TPO: variants seen among roughly 807,000 people sequenced by gnomAD.
The protein encoded by TPO is thyroid microsomal antigen.
In TPO, 78 loss-of-function variants were observed where a neutral mutation model predicts 96.9. The ratio of observed to expected loss-of-function variants is 0.81; its 90% CI spans 0.67 to 0.97. The LOEUF is 0.97. Among genes scored for constraint, TPO ranks in the 50% least tolerant of loss-of-function variants. The pLI, the probability that TPO is intolerant of heterozygous loss-of-function variation, is 0.00. For synonymous variants in TPO, 547 were observed against 538.0 expected (o/e 1.02, Z -0.23); for missense variants, 1,252 against 1,274.8 (o/e 0.98, Z 0.27).
intron 3 of TPO, among the ~76,000 whole-genome samples, chr2:1,432,838 C>T (rs981718336): frequency 1.3e-5 from 2 of 151,472 alleles, no homozygotes; most frequent in African/African-American, 4.9e-5. Context: ...GAGGAGAGGC[C>T]TGCAGGTGAG....
rs774085308 is a variant in TPO, at chr2:1,504,048, C to T, written c.2487C>T (p.Tyr829=). The stretch of plus-strand genomic sequence containing the variant: ...TCCAGTGTCTCTGCGCGGACCCCTA[C>T]GAGTTAGGAGACGATGGGAGAACCT... ...GGFQCLCADP[Y]ELGDDGRTCV... Residue 829 remains tyrosine, a synonymous_variant, in exon 14 of 17, where the codon TAC becomes TAT. Transcript: ENST00000329066. 25 of 1,614,086 alleles carry T rather than the reference C, an allele frequency of 1.5e-5. No individual in the cohort carries two copies. Among genetic ancestry groups the T allele is most frequent in the South Asian group, 1.5e-4 (14 of 91,088 alleles).
intron 15 of TPO, among the ~76,000 whole-genome samples, chr2:1,525,372 G>C (rs1676200255): frequency 2.6e-5 from 3 of 116,492 alleles, no homozygotes; most frequent in South Asian, 2.8e-4. Flanking sequence ...CCCACTGTGA[G>C]CAAAACCACA....
chr2:1,540,467 A>G (rs2125351616), intron 15 of TPO, 127 bp from the exon 16 acceptor site: 3 of 1,590,232 alleles, frequency 1.9e-6, no homozygotes, highest in Non-Finnish European at 2.6e-6. Context: ...TGTGAAATGA[A>G]AGTGGGTTGG....
At chr2:1,479,895 C>G (rs527985381) in intron 8 of TPO, among the ~76,000 whole-genome samples, 37 of 152,172 alleles carry the variant, frequency 2.4e-4, no homozygotes, top group African/African-American at 8.9e-4. Context: ...GATTCTCCTG[C>G]CTCAGCCTCT....
intron 1 of TPO, among the ~76,000 whole-genome samples, chr2:1,385,445 T>A (rs912936964): frequency 2.0e-5 from 3 of 152,206 alleles, no homozygotes; most frequent in Admixed American, 6.5e-5. Flanking sequence ...TGGGAGAATG[T>A]GTGTGTCGAG....
At chr2:1,528,177 A>C in intron 15 of TPO, among the ~76,000 whole-genome samples, 1 of 103,738 alleles carries the variant, frequency 9.6e-6, no homozygotes, top group African/African-American at 4.1e-5. Context: ...ACTGTGAGCA[A>C]ACCCCCACAT....
rs549499745 is a variant in TPO, at chr2:1,380,632, G to A, written n.180+6230G>A. Among the ~76,000 whole-genome samples, 6 of 152,254 alleles carry A rather than the reference G, an allele frequency of 3.9e-5. No individual in the cohort carries two copies. The South Asian group carries it at 1.0e-3, about 26-fold the overall frequency. On this transcript the variant is annotated intron_variant and non_coding_transcript_variant, in intron 1 of 5. Coordinates refer to the TPO transcript ENST00000497517. ...CAGCAATTTACCTAAAAACTGAAGT[G>A]ACACAATCACAGCCCCCAGCTGAGT...
rs1310733991 is a variant in TPO, at chr2:1,542,581, C to T, written c.*107C>T. 1.9e-6 allele frequency: 3 copies of T among 1,568,220 alleles called. No individual in the cohort carries two copies. The highest frequency in any genetic ancestry group is 3.8e-5 in the Admixed American group (2 of 52,484). ...GAAATCAGCAGGACGACTGTTTTCCCAACACGGGTAAATCTAGTACCATGT... is the reference window on the plus strand; with the variant it reads ...GAAATCAGCAGGACGACTGTTTTCCTAACACGGGTAAATCTAGTACCATGT... On this transcript the variant is annotated 3_prime_UTR_variant, in exon 17 of 17. Coordinates refer to ENST00000329066, the MANE Select transcript of TPO (RefSeq NM_001206744.2).
At position 1,542,636 on chromosome 2, in the gene TPO, A is replaced by ATGTT; in HGVS notation, c.*163_*166dup. On this transcript the variant is annotated 3_prime_UTR_variant, in exon 17 of 17. Transcript: ENST00000329066. ...GTTACTCTCAGGCATGGATGAATAA[A>ATGTT]TGTTATAGCTGCATTTGTCTGGCCT... 1.9e-6 allele frequency: 3 copies of ATGTT among 1,544,484 alleles called. No homozygotes were observed. The highest frequency in any genetic ancestry group is 2.6e-6 in the Non-Finnish European group (3 of 1,141,464).
At chr2:1,411,900 C>A (rs960474192), upstream of TPO, among the ~76,000 whole-genome samples, 1 of 152,218 alleles carries the variant, frequency 6.6e-6, no homozygotes, top group Non-Finnish European at 1.5e-5. Context: ...TCTGCAAAGC[C>A]CCTTTTGCCA....
In TPO at chr2:1,401,023, G is replaced by C. The variant is rs192805477; in HGVS notation, n.180+26621G>C. ...TCCTGTGCTGACTTTCCAACCTGAT[G>C]TCTGTCCTTGTAGGTCTGGATACTC... On this transcript the variant is annotated intron_variant and non_coding_transcript_variant, in intron 1 of 5. Coordinates refer to the TPO transcript ENST00000497517. Among the ~76,000 whole-genome samples, 285 of 151,528 alleles carry C rather than the reference G, an allele frequency of 1.9e-3. 1 individual carries two copies. In the East Asian group the frequency reaches 0.024, roughly 13 times the overall value.
chr2:1,404,766 C>T (rs1297822051), intron 1 of TPO, among the ~76,000 whole-genome samples: 6 of 152,148 alleles, frequency 3.9e-5, no homozygotes, highest in African/African-American at 1.2e-4. Context: ...AATTCATACA[C>T]GGTCATTTCT....
intron 8 of TPO, among the ~76,000 whole-genome samples, chr2:1,480,559 TACACACACAC>T (rs3036105): frequency 0.029 from 1,265 of 44,354 alleles, 20 homozygotes; most frequent in South Asian, 0.073. Context: ...TCAAACCCCC[TACACACACAC>T]ACACACACAC....
At position 1,523,845 on chromosome 2, in the gene TPO, CAACT is replaced by C. The variant is rs544255519; in HGVS notation, c.2618+6864_2618+6867del. On this transcript the variant is annotated intron_variant, in intron 15 of 16. Transcript: ENST00000329066. ...TGTGAGCAAACTCCTCAAATCCCCCCAACTGTGTGTGAGCTCCCCAAATCCCCCC... is the reference window on the plus strand; with the variant it reads ...TGTGAGCAAACTCCTCAAATCCCCCCGTGTGTGAGCTCCCCAAATCCCCCC... Among the ~76,000 whole-genome samples the C allele has an allele frequency of 1.5e-3, 168 of 115,498 alleles. 2 individuals are homozygous for C. Among genetic ancestry groups the C allele is most frequent in the African/African-American group, 5.4e-3 (160 of 29,596 alleles). The allele number at this position is 115,498 out of a possible 152,430, so 75.8% of individuals were successfully genotyped here. A position where few individuals can be genotyped will look rare whatever the true frequency, so the allele number is the denominator to read the frequency against.
At chr2:1,542,059 G>A in intron 16 of TPO, 1 of 330,398 alleles carries the variant, frequency 3.0e-6, no homozygotes, top group East Asian at 6.1e-5. Context: ...AAGTCCCCTG[G>A]GCCCCTAATT....
At chr2:1,475,487 A>G (rs985457782) in intron 7 of TPO, among the ~76,000 whole-genome samples, 10 of 151,092 alleles carry the variant, frequency 6.6e-5, no homozygotes, top group Non-Finnish European at 1.0e-4. Context: ...ACAGTGGCCC[A>G]ATCTCGGCTC....
At chr2:1,529,152 C>CT (rs1677372980) in intron 15 of TPO, among the ~76,000 whole-genome samples, 1 of 91,592 alleles carries the variant, frequency 1.1e-5, no homozygotes. Flanking sequence ...TGTGTGCAAC[C>CT]TCCCTGAATC....
intron 15 of TPO, among the ~76,000 whole-genome samples, chr2:1,528,855 T>TCC (rs1227195762): frequency 1.9e-5 from 1 of 52,054 alleles, no homozygotes; most frequent in African/African-American, 8.6e-5. Context: ...CCTCCTCAAA[T>TCC]CCCCCACTGT....
At chr2:1,525,504 C>T (rs1177395434) in intron 15 of TPO, among the ~76,000 whole-genome samples, 1 of 112,882 alleles carries the variant, frequency 8.9e-6, no homozygotes, top group African/African-American at 3.5e-5. Flanking sequence ...AAAACCCCCA[C>T]TGGGTACAAC....
Sources: gnomAD v4.1 joint callset for allele counts (sites outside exome capture counted in the v4.1 genomes callset) on GRCh38, gnomAD v4.1.1 for gene constraint, MANE v1.5 for transcripts, NCBI Gene and HGNC (gene_info 2026-07-23, HGNC 2026-07-21) for gene names.